Variants in MAN1A1 observed in about 807,000 individuals in gnomAD.
The protein encoded by MAN1A1 is mannosyl-oligosaccharide 1,2-alpha-mannosidase IA.
A neutral mutation model predicts 70.8 loss-of-function variants in MAN1A1; 29 were observed. The observed-to-expected ratio is 0.41, with a 90% CI of 0.31 to 0.56. The LOEUF (loss-of-function observed/expected upper bound fraction) is 0.56. Among genes scored for constraint, MAN1A1 ranks in the 20% least tolerant of loss-of-function variants. The probability of loss-of-function intolerance (pLI) is 0.29; values close to 1 mark genes in which losing one functional copy is unlikely to be tolerated. For missense variants in MAN1A1, 747 were observed against 841.3 expected, an observed-to-expected ratio of 0.89 and a Z score of 1.39; for synonymous variants, 349 against 330.1, an observed-to-expected ratio of 1.06 and a Z score of -0.62.
At chr6:119,349,412 C>T in intron 1 of MAN1A1, 125 bp from the exon 2 acceptor site, 1 of 915,500 alleles carries the variant, frequency 1.1e-6, no homozygotes, top group Non-Finnish European at 1.3e-6. Context: ...CTGTCCAGTC[C>T]GGGCACCGCC....
rs2114918721 is a variant in MAN1A1, at chr6:119,178,025, A to G, written c.*1794T>C. ...TCATTTCATTAGGTGAACTGAAGAT[A>G]TGAGTGGGAGAAGTTATTCTGGATC... On this transcript the variant is annotated 3_prime_UTR_variant, in exon 13 of 13. Coordinates refer to ENST00000368468, the MANE Select transcript of MAN1A1 (RefSeq NM_005907.4). 6.6e-6 allele frequency: 1 copy of G among 152,262 alleles called. No homozygotes were observed. The highest frequency in any genetic ancestry group is 1.9e-4 in the East Asian group (1 of 5,196). 9.4% of individuals were successfully genotyped at this position (152,262 alleles called of 1,614,324 possible). A position where few individuals can be genotyped will look rare whatever the true frequency, so the allele number is the denominator to read the frequency against.
At chr6:119,228,946 CT>C in intron 6 of MAN1A1, among the ~76,000 whole-genome samples, 1 of 152,026 alleles carries the variant, frequency 6.6e-6, no homozygotes, top group Non-Finnish European at 1.5e-5. Context: ...CAGAAGCCTG[CT>C]TTTTTATTTT....
chr6:119,330,827 C>T (rs954829733), intron 2 of MAN1A1, among the ~76,000 whole-genome samples: 1 of 151,854 alleles, frequency 6.6e-6, no homozygotes, highest in Admixed American at 6.6e-5. Flanking sequence ...TAATACTTTA[C>T]TTCATTTAGA....
At chr6:119,272,137 T>TCAA (rs1775941934) in intron 5 of MAN1A1, among the ~76,000 whole-genome samples, 1 of 152,226 alleles carries the variant, frequency 6.6e-6, no homozygotes, top group South Asian at 2.1e-4. Context: ...TAGTCTTATA[T>TCAA]TTGCTTTGGA....
chr6:119,240,861 T>A (rs1774985330), intron 6 of MAN1A1, among the ~76,000 whole-genome samples: 1 of 152,220 alleles, frequency 6.6e-6, no homozygotes, highest in African/African-American at 2.4e-5. Flanking sequence ...GCTGTAGTGA[T>A]CCAAAGTTTG....
intron 6 of MAN1A1, among the ~76,000 whole-genome samples, chr6:119,205,119 T>A (rs1434266471): frequency 6.6e-6 from 1 of 152,224 alleles, no homozygotes; most frequent in Non-Finnish European, 1.5e-5. Flanking sequence ...GAGTACTTGC[T>A]GTTGGTGAAC....
intron 6 of MAN1A1, among the ~76,000 whole-genome samples, chr6:119,222,665 A>T (rs1774396624): frequency 6.6e-6 from 1 of 152,174 alleles, no homozygotes; most frequent in African/African-American, 2.4e-5. Flanking sequence ...ACACAAAATG[A>T]TCTTGATTTC....
chr6:119,201,909 G>C (rs1462428565), intron 7 of MAN1A1, among the ~76,000 whole-genome samples: 1 of 152,068 alleles, frequency 6.6e-6, no homozygotes, highest in African/African-American at 2.4e-5. Context: ...ACTTTGTATA[G>C]GGCATTTATC....
At chr6:119,262,623 G>A (rs1341393334) in intron 5 of MAN1A1, among the ~76,000 whole-genome samples, 2 of 152,130 alleles carry the variant, frequency 1.3e-5, no homozygotes, top group African/African-American at 2.4e-5. Flanking sequence ...AGCAATCCCA[G>A]TATTGGGTAT....
intron 7 of MAN1A1, 41 bp from the exon 8 acceptor site, chr6:119,201,388 A>G (rs9481891): frequency 0.49 from 682,464 of 1,399,218 alleles, 171,981 homozygotes; most frequent in Middle Eastern, 0.53. Context: ...AATCTAAAAA[A>G]CAATTTTCAT....
chr6:119,302,856 C>T (rs1003802144), intron 3 of MAN1A1, among the ~76,000 whole-genome samples: 10 of 152,116 alleles, frequency 6.6e-5, no homozygotes, highest in South Asian at 2.1e-4. Context: ...ATTTCACCCC[C>T]GTATGAATTC....
chr6:119,240,641 G>A (rs547049630), intron 6 of MAN1A1, among the ~76,000 whole-genome samples: 46 of 152,280 alleles, frequency 3.0e-4, no homozygotes, highest in African/African-American at 9.9e-4. Context: ...GCATCCTGAG[G>A]TTCAGGCATC....
chr6:119,248,417 T>C (rs1775225404), intron 5 of MAN1A1, 63 bp from the exon 6 acceptor site: 11 of 845,688 alleles, frequency 1.3e-5, no homozygotes. Context: ...AACTATACTA[T>C]TATCTAATAG....
At chr6:119,199,487 T>G (rs1402857669) in intron 8 of MAN1A1, among the ~76,000 whole-genome samples, 1 of 152,180 alleles carries the variant, frequency 6.6e-6, no homozygotes, top group Non-Finnish European at 1.5e-5. Flanking sequence ...CCATTTCACC[T>G]CACAGAACAT....
intron 7 of MAN1A1, among the ~76,000 whole-genome samples, chr6:119,204,086 G>A (rs566054403): frequency 8.5e-5 from 13 of 152,268 alleles, no homozygotes; most frequent in Non-Finnish European, 1.8e-4. Context: ...TGCCAAGCGC[G>A]AAGTGTATCT....
Position 119,297,347 on chromosome 6 carries a change from A to G in MAN1A1, c.816+4641T>C, listed in dbSNP as rs575052640. 3.9e-5 allele frequency among the ~76,000 whole-genome samples: 6 copies of G among 152,326 alleles called. No homozygotes were observed. In the South Asian group the frequency reaches 1.2e-3, roughly 32 times the overall value. ...ATAGCACAGACTGTCAGGAAGTAGG[A>G]TAAGATGGCTTAACTTCTCATTCAT... On this transcript the variant is annotated intron_variant, in intron 4 of 12. Transcript: ENST00000368468.
chr6:119,258,174 T>C (rs1333257381), intron 5 of MAN1A1, among the ~76,000 whole-genome samples: 12 of 152,308 alleles, frequency 7.9e-5, no homozygotes, highest in African/African-American at 2.6e-4. Context: ...ATTGGGGATG[T>C]TCTATTTACT....
intron 5 of MAN1A1, among the ~76,000 whole-genome samples, chr6:119,253,902 A>ATATT (rs1480467782): frequency 6.6e-6 from 1 of 152,190 alleles, no homozygotes; most frequent in African/African-American, 2.4e-5. Flanking sequence ...CAATTACAAA[A>ATATT]TATTTTTAGA....
intron 6 of MAN1A1, among the ~76,000 whole-genome samples, chr6:119,228,852 A>C (rs1774594480): frequency 6.6e-6 from 1 of 152,154 alleles, no homozygotes; most frequent in South Asian, 2.1e-4. Flanking sequence ...CCCATTGCAA[A>C]ACTTCATATG....
Sources: allele counts gnomAD v4.1 joint callset (sites outside exome capture counted in the v4.1 genomes callset), GRCh38; gene constraint gnomAD v4.1.1; transcripts MANE v1.5; gene names NCBI Gene and HGNC (gene_info 2026-07-23, HGNC 2026-07-21).